SLC9B1: variants seen among roughly 807,000 people sequenced by gnomAD.
SLC9B1 encodes solute carrier family 9 member B1, also known as sodium/hydrogen exchanger 9B1.
A neutral mutation model predicts 51.7 loss-of-function variants in SLC9B1; 32 were observed. The observed-to-expected ratio is 0.62, with a 90% CI of 0.47 to 0.83. The LOEUF (loss-of-function observed/expected upper bound fraction) is 0.83. Among genes scored for constraint, SLC9B1 ranks in the 40% least tolerant of loss-of-function variants. SLC9B1 has a pLI of 0.00. For synonymous variants in SLC9B1, 145 were observed against 212.7 expected (o/e 0.68, Z 2.77); for missense variants, 406 against 613.2 (o/e 0.66, Z 3.57).
chr4:103,013,152 C>T (rs1435378623), intron 1 of SLC9B1, among the ~76,000 whole-genome samples: 5 of 152,216 alleles, frequency 3.3e-5, no homozygotes, highest in Admixed American at 2.0e-4. Context: ...TACATGGAAT[C>T]AAACTGTCTC....
intron 1 of SLC9B1, among the ~76,000 whole-genome samples, chr4:103,014,499 T>A (rs1560532826): frequency 6.6e-6 from 1 of 152,172 alleles, no homozygotes; most frequent in Non-Finnish European, 1.5e-5. Flanking sequence ...AAATATAGAG[T>A]ATTGTAGAAG....
At chr4:102,913,790 A>G (rs1486200794) in intron 7 of SLC9B1, among the ~76,000 whole-genome samples, 2 of 137,556 alleles carry the variant, frequency 1.5e-5, no homozygotes, top group Non-Finnish European at 3.1e-5. Flanking sequence ...ACAAAGAGAT[A>G]GAAACTAAAA....
chr4:102,897,801 T>A (rs1023596757), downstream of SLC9B1: 11 of 458,436 alleles, frequency 2.4e-5, no homozygotes, highest in African/African-American at 1.6e-4. Flanking sequence ...ACACAGACAA[T>A]AGGAGCACAT....
intron 3 of SLC9B1, among the ~76,000 whole-genome samples, chr4:102,981,470 T>A (rs148784186): frequency 1.3e-5 from 2 of 152,272 alleles, no homozygotes; most frequent in East Asian, 3.9e-4. Flanking sequence ...AACTCCCACC[T>A]GCAATGAATG....
downstream of SLC9B1, among the ~76,000 whole-genome samples, chr4:102,898,884 C>T (rs201782019): frequency 2.4e-4 from 36 of 152,274 alleles, no homozygotes; most frequent in South Asian, 8.3e-4. Context: ...CCTGCCACCA[C>T]GCCTGGCTAG....
intron 3 of SLC9B1, among the ~76,000 whole-genome samples, chr4:102,955,901 G>GAA (rs768851091): frequency 0.11 from 7,438 of 70,234 alleles, 372 homozygotes; most frequent in African/African-American, 0.13. Flanking sequence ...AAGAAAGAAA[G>GAA]AGAGAGAAAG....
chr4:102,955,403 C>T (rs967281053), intron 3 of SLC9B1, among the ~76,000 whole-genome samples: 13 of 152,192 alleles, frequency 8.5e-5, no homozygotes, highest in Admixed American at 5.9e-4. Context: ...AGAATGAAAA[C>T]GGACTAATAC....
chr4:103,009,995 A>G (rs1741007959), intron 1 of SLC9B1, among the ~76,000 whole-genome samples: 1 of 152,180 alleles, frequency 6.6e-6, no homozygotes, highest in Non-Finnish European at 1.5e-5. Context: ...TTCTACTACT[A>G]TAATTCAAAT....
At chr4:103,014,787 A>T (rs1471587228) in intron 1 of SLC9B1, 1 of 152,196 alleles carries the variant, frequency 6.6e-6, no homozygotes, top group Non-Finnish European at 1.5e-5. Flanking sequence ...ATAGAGTGTA[A>T]AAAGCAAAGA....
intron 1 of SLC9B1, among the ~76,000 whole-genome samples, chr4:102,998,565 A>G (rs771325795): frequency 2.0e-5 from 3 of 151,600 alleles, no homozygotes; most frequent in Non-Finnish European, 2.9e-5. Flanking sequence ...ATCATATGGT[A>G]ATTCTATGTT....
chr4:103,017,344 A>G (rs1227371122), intron 1 of SLC9B1, among the ~76,000 whole-genome samples: 4 of 152,178 alleles, frequency 2.6e-5, no homozygotes, highest in Non-Finnish European at 1.5e-5. Context: ...CCTTTTTACA[A>G]TGTAAATCAG....
intron 9 of SLC9B1, among the ~76,000 whole-genome samples, chr4:102,909,296 C>CA (rs35570979): frequency 0.54 from 78,331 of 144,386 alleles, 21,030 homozygotes; most frequent in African/African-American, 0.65. Flanking sequence ...GACTCTGTCT[C>CA]AAAAAAAAAA....
intron 1 of SLC9B1, among the ~76,000 whole-genome samples, chr4:103,011,408 G>A (rs1036432939): frequency 3.9e-5 from 6 of 152,238 alleles, no homozygotes; most frequent in African/African-American, 1.4e-4. Flanking sequence ...TCACATGCCT[G>A]TCGCTCTCCC....
At position 102,905,085 on chromosome 4, in the gene SLC9B1, T is replaced by C. The variant is rs551398965; in HGVS notation, c.1332+429A>G. 1.3e-3 allele frequency among the ~76,000 whole-genome samples: 199 copies of C among 151,992 alleles called. 1 individual carries two copies. The highest frequency in any genetic ancestry group is 2.4e-3 in the Non-Finnish European group (164 of 67,958). On this transcript the variant is annotated intron_variant, in intron 11 of 11. Coordinates refer to ENST00000296422, the MANE Select transcript of SLC9B1 (RefSeq NM_139173.4). ...GAGAGAATTGTTTGCGCCCAGGAGG[T>C]TGAGGCTGCAGTGAGCTGTGATCAT...
intron 3 of SLC9B1, among the ~76,000 whole-genome samples, chr4:102,981,266 G>A (rs1166095278): frequency 6.6e-6 from 1 of 152,020 alleles, no homozygotes; most frequent in African/African-American, 2.4e-5. Flanking sequence ...CATTTTGATT[G>A]CTTCTGAATT....
chr4:103,003,491 T>C (rs1397346551), intron 1 of SLC9B1, among the ~76,000 whole-genome samples: 2 of 152,220 alleles, frequency 1.3e-5, no homozygotes, highest in African/African-American at 4.8e-5. Flanking sequence ...TTAAACTATC[T>C]TGAAATATCT....
intron 7 of SLC9B1, among the ~76,000 whole-genome samples, chr4:102,922,499 A>G (rs1735930125): frequency 6.6e-6 from 1 of 152,230 alleles, no homozygotes; most frequent in Non-Finnish European, 1.5e-5. Flanking sequence ...CAATTAAAAG[A>G]ACTAGAGAAG....
chr4:103,018,017 G>A (rs1034988015), intron 1 of SLC9B1, among the ~76,000 whole-genome samples: 1 of 152,144 alleles, frequency 6.6e-6, no homozygotes, highest in African/African-American at 2.4e-5. Context: ...GGCTTCTTCA[G>A]AAGCTCATCC....
chr4:102,925,810 C>A (rs1736136829), intron 7 of SLC9B1, among the ~76,000 whole-genome samples: 2 of 152,198 alleles, frequency 1.3e-5, no homozygotes, highest in South Asian at 4.1e-4. Context: ...GAATTTTAGA[C>A]CAATATCCCT....
Sources: allele counts gnomAD v4.1 joint callset (sites outside exome capture counted in the v4.1 genomes callset), GRCh38; gene constraint gnomAD v4.1.1; transcripts MANE v1.5; gene names NCBI Gene and HGNC (gene_info 2026-07-23, HGNC 2026-07-21).